CROCC2: variants seen among roughly 807,000 people sequenced by gnomAD.
CROCC2 encodes ciliary rootlet coiled-coil protein 2.
Under a neutral mutation model 177.6 loss-of-function variants are expected in CROCC2, and 163 were observed. The ratio of observed to expected loss-of-function variants is 0.92; its 90% CI spans 0.81 to 1.05. The LOEUF (loss-of-function observed/expected upper bound fraction) is 1.05, where lower values mean the gene tolerates loss of function less well. Ranked by LOEUF, CROCC2 falls within the 50% of genes least tolerant of loss-of-function variation. The pLI is 0.00. For missense variants in CROCC2, 1,929 were observed against 1,797.8 expected (o/e 1.07, Z -1.32); for synonymous variants, 904 against 787.3 (o/e 1.15, Z -2.48).
At chr2:240,974,866 TTTC>T (rs1258817036) in intron 27 of CROCC2, among the ~76,000 whole-genome samples, 2 of 152,186 alleles carry the variant, frequency 1.3e-5, no homozygotes, top group African/African-American at 4.8e-5. Flanking sequence ...TCCATTTTTA[TTTC>T]TTCTTAAATT....
intron 27 of CROCC2, among the ~76,000 whole-genome samples, chr2:240,981,342 A>T (rs2059798258): frequency 6.6e-6 from 1 of 152,166 alleles, no homozygotes; most frequent in Non-Finnish European, 1.5e-5. Flanking sequence ...CTGGGGGAGA[A>T]GGGCTGGGGT....
In CROCC2 at chr2:240,932,305, C is replaced by T. The variant is rs986921173; in HGVS notation, c.948-13C>T. The T allele has an allele frequency of 5.6e-6, 4 of 711,134 alleles. No individual in the cohort carries two copies. The highest frequency in any genetic ancestry group is 2.0e-5 in the Admixed American group (1 of 49,786). 44.1% of individuals were successfully genotyped at this position (711,134 alleles called of 1,614,324 possible). A position where few individuals can be genotyped will look rare whatever the true frequency, so the allele number is the denominator to read the frequency against. ...CCCTGCCCTTCACCCCCACACCCCC[C>T]GACTCCTCCCAGACTCTCGGAGCAA... On this transcript the variant is annotated splice_polypyrimidine_tract_variant and intron_variant, in intron 7 of 31. Transcript: ENST00000690015.
intron 4 of CROCC2, 108 bp downstream of exon 4, chr2:240,922,753 G>C (rs2059365050): frequency 2.1e-6 from 1 of 478,630 alleles, no homozygotes. Flanking sequence ...TCCCAAAGCA[G>C]CTGTGAGTTC....
chr2:240,971,355 G>C (rs911469366), intron 27 of CROCC2, among the ~76,000 whole-genome samples: 1 of 152,220 alleles, frequency 6.6e-6, no homozygotes, highest in African/African-American at 2.4e-5. Flanking sequence ...GTGGGTCCGA[G>C]CAACATGTTA....
intron 20 of CROCC2, among the ~76,000 whole-genome samples, chr2:240,962,688 C>T (rs1354271514): frequency 6.6e-6 from 1 of 152,216 alleles, no homozygotes; most frequent in Admixed American, 6.5e-5. Flanking sequence ...GCCCCGCTGG[C>T]TACCTCCGCC....
At chr2:240,963,416 T>G in intron 20 of CROCC2, 140 bp from the exon 21 acceptor site, 10 of 835,872 alleles carry the variant, frequency 1.2e-5, no homozygotes, top group South Asian at 1.9e-5. Flanking sequence ...GGTGGCTCCA[T>G]GGGGTGAGCA....
chr2:240,932,302 C>G lies in CROCC2; in HGVS notation c.948-16C>G, dbSNP rs571062103. On this transcript the variant is annotated splice_polypyrimidine_tract_variant and intron_variant, in intron 7 of 31. Transcript: ENST00000690015. Reference sequence around the variant, plus strand: ...GGGCCCTGCCCTTCACCCCCACACCCCCCGACTCCTCCCAGACTCTCGGAG... The same window carrying G: ...GGGCCCTGCCCTTCACCCCCACACCGCCCGACTCCTCCCAGACTCTCGGAG... 5.8e-4 allele frequency: 409 copies of G among 710,658 alleles called. No homozygotes were observed. Among genetic ancestry groups the G allele is most frequent in the Non-Finnish European group, 9.5e-4 (361 of 380,210 alleles). The allele number at this position is 710,658 out of a possible 1,614,324, so 44.0% of individuals were successfully genotyped here. A position where few individuals can be genotyped will look rare whatever the true frequency, so the allele number is the denominator to read the frequency against.
At chr2:240,967,262 G>C (rs922943594) in intron 25 of CROCC2, 83 bp from the exon 26 acceptor site, 1 of 546,228 alleles carries the variant, frequency 1.8e-6, no homozygotes, top group Non-Finnish European at 3.4e-6. Context: ...AGCGGCCCCA[G>C]CTGGCCCCGA....
intron 27 of CROCC2, among the ~76,000 whole-genome samples, chr2:240,969,344 G>C (rs751318244): frequency 6.6e-6 from 1 of 152,254 alleles, no homozygotes; most frequent in South Asian, 2.1e-4. Context: ...CAGGCTCTGA[G>C]TTCCCAGTAG....
At position 240,935,428 on chromosome 2, in the gene CROCC2, AGCAGCTG is replaced by A; in HGVS notation, c.2013_2019del (p.Gln671HisfsTer170). 7.3e-7 allele frequency: 1 copy of A among 1,372,018 alleles called. No individual in the cohort carries two copies. Among genetic ancestry groups the A allele is most frequent in the Non-Finnish European group, 9.5e-7 (1 of 1,057,168 alleles). The allele number at this position is 1,372,018 out of a possible 1,614,324, so 85.0% of individuals were successfully genotyped here. A position where few individuals can be genotyped will look rare whatever the true frequency, so the allele number is the denominator to read the frequency against. ...GAGCAGGAACGGGCCCGGGCCGGGGAGCAGCTGGCACAGGCGGAGCAGCAGCTGGCGC... is the reference window on the plus strand; with the variant it reads ...GAGCAGGAACGGGCCCGGGCCGGGGAGCACAGGCGGAGCAGCAGCTGGCGC... On this transcript the variant is annotated frameshift_variant, in exon 14 of 32. Coordinates refer to ENST00000690015, the MANE Select transcript of CROCC2 (RefSeq NM_001351305.2). LOFTEE classifies it high-confidence loss of function.
intron 1 of CROCC2, among the ~76,000 whole-genome samples, chr2:240,907,179 T>C (rs1019029545): frequency 3.3e-5 from 5 of 152,162 alleles, no homozygotes; most frequent in African/African-American, 1.2e-4. Flanking sequence ...CGCTGCACAT[T>C]TGTGGGAGGC....
chr2:240,986,020 G>A, intron 28 of CROCC2: 1 of 452,554 alleles, frequency 2.2e-6, no homozygotes, highest in Non-Finnish European at 4.5e-6. Flanking sequence ...GCACAGTTGG[G>A]CTCCTCCCTG....
In CROCC2 at chr2:240,930,170, G is replaced by A. The variant is rs546625248; in HGVS notation, c.650G>A (p.Arg217Gln). 59 of 555,164 alleles carry A rather than the reference G, an allele frequency of 1.1e-4. No homozygotes were observed. Among genetic ancestry groups the A allele is most frequent in the Middle Eastern group, 2.8e-4 (1 of 3,632 alleles). The allele number at this position is 555,164 out of a possible 1,614,324, so 34.4% of individuals were successfully genotyped here. Reference sequence around the variant, plus strand: ...CAGGAGGCCTCTTGCTTTCAGACCCGGTCAGGGGGCCTGGGGCAGCCCCGG... The same window carrying A: ...CAGGAGGCCTCTTGCTTTCAGACCCAGTCAGGGGGCCTGGGGCAGCCCCGG... ...ELRRWAQRQT[R>Q]SGGLGQPRDL... The change falls in exon 6 of 32, where the codon CGG becomes CAG. Residue 217 changes from arginine to glutamine, a missense_variant. Around this residue, in one of 3 missense-constraint regions of CROCC2, gnomAD observed 1,397 missense variants for 1,239.9 expected, o/e 1.13. Transcript: ENST00000690015.
At position 240,918,779 on chromosome 2, in the gene CROCC2, G is replaced by C; in HGVS notation, c.132G>C (p.Leu44=). Residue 44 remains leucine (L), a synonymous_variant, in exon 2 of 32, where the codon CTG becomes CTC. Transcript: ENST00000690015. This position sits in a 1 kb window ranked among gnomAD's most constrained non-coding sequence, Gnocchi z 6.3. ...CAGCCAGCAGGGAAGACCGGGCGCT[G>C]ACCGTGCGTGGGGAAGGCCGGCAGG... ...SPTASREDRA[L]TVRGEGRQAS... is the part of the protein sequence containing the mutation. The C allele has an allele frequency of 1.7e-6, 1 of 592,224 alleles. No homozygotes were observed. The highest frequency in any genetic ancestry group is 3.1e-6 in the Non-Finnish European group (1 of 325,682). 36.7% of individuals were successfully genotyped at this position (592,224 alleles called of 1,614,324 possible). A position where few individuals can be genotyped will look rare whatever the true frequency, so the allele number is the denominator to read the frequency against.
At chr2:240,955,695 C>T in intron 18 of CROCC2, 164 bp from the exon 19 acceptor site, 1 of 585,434 alleles carries the variant, frequency 1.7e-6, no homozygotes, top group Non-Finnish European at 3.0e-6. Flanking sequence ...GTAGGAGCTG[C>T]CCCTCCTCCC....
chr2:240,935,456 G>T lies in CROCC2; in HGVS notation c.2037G>T (p.Leu679=). 1 of 1,367,926 alleles carries T rather than the reference G, an allele frequency of 7.3e-7. No individual in the cohort carries two copies. 84.7% of individuals were successfully genotyped at this position (1,367,926 alleles called of 1,614,324 possible). A position where few individuals can be genotyped will look rare whatever the true frequency, so the allele number is the denominator to read the frequency against. The change falls in exon 14 of 32, where the codon CTG becomes CTT. Residue 679 remains leucine (L), a synonymous_variant. Transcript: ENST00000690015. ...AGCTGGCACAGGCGGAGCAGCAGCTGGCGCTGGAGCGGGCAGAGCGCAGGG... is the reference window on the plus strand; with the variant it reads ...AGCTGGCACAGGCGGAGCAGCAGCTTGCGCTGGAGCGGGCAGAGCGCAGGG... ...GEQLAQAEQQ[L]ALERAERRGL...
At chr2:240,928,137 G>C (rs1461757294) in intron 5 of CROCC2, among the ~76,000 whole-genome samples, 1 of 152,168 alleles carries the variant, frequency 6.6e-6, no homozygotes, top group Non-Finnish European at 1.5e-5. Flanking sequence ...TTTTAACTAA[G>C]AGCTGCTTAT....
rs1469772695 is a variant in CROCC2 at position 240,960,883 on chromosome 2, G to A, written c.3087+1439G>A. 1.2e-4 allele frequency among the ~76,000 whole-genome samples: 16 copies of A among 138,866 alleles called. No homozygotes were observed. The highest frequency in any genetic ancestry group is 1.1e-4 in the Non-Finnish European group (7 of 65,174). 91.1% of individuals were successfully genotyped at this position (138,866 alleles called of 152,430 possible). On this transcript the variant is annotated intron_variant, in intron 20 of 31. Transcript: ENST00000690015. The surrounding 1 kb of genome is among the most constrained non-coding windows in gnomAD (Gnocchi z 5.0). The stretch of plus-strand genomic sequence containing the variant: ...CAGGCCCGGTCAGCGACCACACGGG[G>A]AAGCAAAACGAGATTGCAAAACTGG...
chr2:240,942,520 T>C (rs1325184759), intron 14 of CROCC2, among the ~76,000 whole-genome samples: 1 of 152,228 alleles, frequency 6.6e-6, no homozygotes, highest in Non-Finnish European at 1.5e-5. Flanking sequence ...TGTTTTTTTA[T>C]TATGCTTAAT....
Sources: allele counts gnomAD v4.1 joint callset (sites outside exome capture counted in the v4.1 genomes callset), GRCh38; gene constraint gnomAD v4.1.1; regional missense constraint gnomAD v4.1.1; non-coding constraint Gnocchi (gnomAD v3.1); transcripts MANE v1.5; gene names NCBI Gene and HGNC (gene_info 2026-07-23, HGNC 2026-07-21).